The following FHAD1 variants were observed in gnomAD, a reference collection of about 807,000 sequenced individuals.
The protein encoded by FHAD1 is forkhead associated phosphopeptide binding domain 1, also known as forkhead-associated domain-containing protein 1.
A neutral mutation model predicts 191.3 loss-of-function variants in FHAD1; 146 were observed. That is an observed-to-expected ratio of 0.76 (90% CI 0.67 to 0.88). The LOEUF (loss-of-function observed/expected upper bound fraction) is 0.88, where lower values mean the gene tolerates loss of function less well. Ranked by LOEUF, FHAD1 falls within the 40% of genes least tolerant of loss-of-function variation. The pLI is 0.00. For missense variants in FHAD1, 1,635 were observed against 1,785.8 expected (o/e 0.92, Z 1.52); for synonymous variants, 616 against 672.3 (o/e 0.92, Z 1.29).
intron 4 of FHAD1, among the ~76,000 whole-genome samples, chr1:15,294,503 C>T (rs1049496852): frequency 6.6e-6 from 1 of 152,138 alleles, no homozygotes; most frequent in African/African-American, 2.4e-5. Context: ...AAGCGATTCT[C>T]CTGCCTCAGC....
chr1:15,251,983 C>G (rs1251194107), intron 2 of FHAD1, 106 bp downstream of exon 2: 2 of 929,100 alleles, frequency 2.2e-6, no homozygotes, highest in East Asian at 2.6e-5. Flanking sequence ...ACACCACAAC[C>G]TGGGCAAGCA....
intron 12 of FHAD1, 142 bp from the exon 13 acceptor site, chr1:15,328,135 A>G: frequency 1.9e-6 from 1 of 519,200 alleles, no homozygotes; most frequent in Non-Finnish European, 3.2e-6. Flanking sequence ...CATCACCAAG[A>G]CATATCAGGA....
chr1:15,332,357 G>A (rs377409469), intron 14 of FHAD1, among the ~76,000 whole-genome samples: 4 of 152,236 alleles, frequency 2.6e-5, no homozygotes, highest in East Asian at 3.9e-4. Flanking sequence ...CCACTCCCAA[G>A]ACCATTTTAG....
Position 15,329,738 on chromosome 1 carries a change from G to A in FHAD1, c.1906+197G>A, listed in dbSNP as rs376700387. 8 of 508,824 alleles carry A rather than the reference G, an allele frequency of 1.6e-5. No individual in the cohort carries two copies. The highest frequency in any genetic ancestry group is 6.6e-5 in the Admixed American group (2 of 30,142). The allele number at this position is 508,824 out of a possible 1,614,324, so 31.5% of individuals were successfully genotyped here. ...AAACACACACATACAAGTGAGACAC[G>A]ATAACTGAAGAAAAATGAAACAAAA... On this transcript the variant is annotated intron_variant, in intron 14 of 33. Transcript: ENST00000688493. The surrounding 1 kb of genome is among the most constrained non-coding windows in gnomAD (Gnocchi z 5.0).
chr1:15,272,525 C>T lies in FHAD1; in HGVS notation c.296C>T (p.Pro99Leu), dbSNP rs6679905. Residue 99 changes from proline (P) to leucine (L), a missense_variant, in exon 3 of 34, where the codon CCT becomes CTT. Physicochemically the swap from Pro to Leu is moderately conservative, Grantham distance 98. Coordinates refer to ENST00000688493, the MANE Select transcript of FHAD1 (RefSeq NM_001391957.1). ...LTYELVIENPPPVSFPWMRGP... is the reference protein window; with the variant it reads ...LTYELVIENPLPVSFPWMRGP... ...TATGAACTGGTCATTGAAAATCCAC[C>T]TCCGGTGAGTCCGGGCCACTGGGGG... 29,436 of 1,543,494 alleles carry T rather than the reference C, an allele frequency of 0.019. 2,171 individuals are homozygous for T. The African/African-American group carries it at 0.21, about 11-fold the overall frequency.
rs965275161 is a variant in FHAD1 at position 15,289,393 on chromosome 1, C to T, written c.301-6C>T. The T allele has an allele frequency of 5.2e-6, 8 of 1,551,132 alleles. No individual in the cohort carries two copies. In the Admixed American group the frequency reaches 1.6e-4, roughly 30 times the overall value. ...AACCTCCCCTGACCCTTGTCTGCCC[C>T]TGCAGGTCTCTTTCCCATGGATGAG... On this transcript the variant is annotated splice_polypyrimidine_tract_variant and splice_region_variant and intron_variant, in intron 3 of 33. Coordinates refer to ENST00000688493, the MANE Select transcript of FHAD1 (RefSeq NM_001391957.1). The surrounding 1 kb of genome is among the most constrained non-coding windows in gnomAD (Gnocchi z 4.2).
In FHAD1 at chr1:15,338,416, C is replaced by A. The variant is rs1393730529; in HGVS notation, c.1907-1065C>A. Among the ~76,000 whole-genome samples, 7 of 152,190 alleles carry A rather than the reference C, an allele frequency of 4.6e-5. No individual in the cohort carries two copies. The East Asian group carries it at 1.3e-3, about 29-fold the overall frequency. On this transcript the variant is annotated intron_variant, in intron 14 of 33. Transcript: ENST00000688493. ...TCCAGTCTCTGCTTCCATCACATCACCTTCCCCTCTGTCTGTGGTCAAGCC... is the reference window on the plus strand; with the variant it reads ...TCCAGTCTCTGCTTCCATCACATCAACTTCCCCTCTGTCTGTGGTCAAGCC...
chr1:15,319,153 A>T (rs1023913589), intron 10 of FHAD1, among the ~76,000 whole-genome samples: 3 of 152,222 alleles, frequency 2.0e-5, no homozygotes, highest in Non-Finnish European at 4.4e-5. Flanking sequence ...TTTTAAGAAC[A>T]AATCTAAAAG....
intron 14 of FHAD1, among the ~76,000 whole-genome samples, chr1:15,330,939 C>T (rs1022165095): frequency 6.6e-5 from 10 of 152,004 alleles, no homozygotes; most frequent in Non-Finnish European, 1.2e-4. Flanking sequence ...AGCCACTTGG[C>T]GGGCTGCCGT....
chr1:15,329,715 A>C lies in FHAD1; in HGVS notation c.1906+174A>C, dbSNP rs1574412392. The C allele has an allele frequency of 5.4e-6, 3 of 556,188 alleles. No homozygotes were observed. Among genetic ancestry groups the C allele is most frequent in the African/African-American group, 3.8e-5 (2 of 52,092 alleles). The allele number at this position is 556,188 out of a possible 1,614,324, so 34.5% of individuals were successfully genotyped here. On this transcript the variant is annotated intron_variant, in intron 14 of 33. Coordinates refer to ENST00000688493, the MANE Select transcript of FHAD1 (RefSeq NM_001391957.1). This position sits in a 1 kb window ranked among gnomAD's most constrained non-coding sequence, Gnocchi z 5.0. ...GCGTAATTTTCCATTAAAAAAAAAA[A>C]CACACACATACAAGTGAGACACGAT...
At chr1:15,326,371 C>T (rs1391062391) in intron 11 of FHAD1, 3 of 152,158 alleles carry the variant, frequency 2.0e-5, no homozygotes, top group African/African-American at 4.8e-5. Context: ...TCTGTAAGTC[C>T]GGACTTAATG....
At position 15,380,721 on chromosome 1, in the gene FHAD1, C is replaced by T. The variant is rs767391697; in HGVS notation, c.3726C>T (p.Asn1242=). 43 of 1,551,628 alleles carry T rather than the reference C, an allele frequency of 2.8e-5. No individual in the cohort carries two copies. Among genetic ancestry groups the T allele is most frequent in the South Asian group, 9.5e-5 (8 of 84,052 alleles). ...TTCAGCCTCAGAATGGCCTTTGCAA[C>T]GCAAGGTTCGGCTCAGCCATGGAGA... is the stretch of plus-strand genomic sequence containing the variant. The part of the protein sequence containing the change: ...EILAPQNGLC[N]ARFGSAMEKS... The change falls in exon 29 of 34, where the codon AAC becomes AAT. Residue 1242 remains asparagine, a synonymous_variant. Coordinates refer to ENST00000688493, the MANE Select transcript of FHAD1 (RefSeq NM_001391957.1).
intron 20 of FHAD1, among the ~76,000 whole-genome samples, chr1:15,354,344 C>T (rs879915393): frequency 5.9e-5 from 9 of 152,190 alleles, no homozygotes; most frequent in Non-Finnish European, 1.3e-4. Context: ...CCAGAAGGCA[C>T]ATCTGGATCG....
At chr1:15,286,727 A>T (rs892642496) in intron 3 of FHAD1, among the ~76,000 whole-genome samples, 1 of 152,104 alleles carries the variant, frequency 6.6e-6, no homozygotes, top group Non-Finnish European at 1.5e-5. Flanking sequence ...TGGCCGAGAG[A>T]GGGAGGGAGA....
At position 15,375,704 on chromosome 1, in the gene FHAD1, ACT is replaced by A; in HGVS notation, c.3685_3686del (p.Ser1229LysfsTer30). 6.5e-7 allele frequency: 1 copy of A among 1,546,226 alleles called. No homozygotes were observed. ...ILLDAKPDLP[T>X]LSRIEILAPQ... Reference sequence around the variant, plus strand: ...ACTGGATGCAAAACCGGATTTGCCAACTCTCTCAAGAATAGAGATCCTAGCGG... The same window carrying A: ...ACTGGATGCAAAACCGGATTTGCCAACTCTCAAGAATAGAGATCCTAGCGG... On this transcript the variant is annotated frameshift_variant, in exon 28 of 34. Transcript: ENST00000688493. LOFTEE classifies it high-confidence loss of function.
chr1:15,273,773 A>C (rs1261631423), intron 3 of FHAD1, among the ~76,000 whole-genome samples: 1 of 152,188 alleles, frequency 6.6e-6, no homozygotes, highest in African/African-American at 2.4e-5. Context: ...GTTTCTAAGG[A>C]ACAGTTCAGT....
At chr1:15,349,250 C>T (rs1277132229) in intron 19 of FHAD1, 101 bp downstream of exon 19, 11 of 904,734 alleles carry the variant, frequency 1.2e-5, no homozygotes, top group African/African-American at 3.4e-5. Context: ...GCCATGCCTC[C>T]CTTTGAAGTG....
chr1:15,381,535 G>T lies in FHAD1; in HGVS notation c.4022+84G>T. Reference sequence around the variant, plus strand: ...ACTCAGGCTAGCAGCAGACCTCTAGGCCTGGGACAGGAGGACAGAGACCCA... The same window carrying T: ...ACTCAGGCTAGCAGCAGACCTCTAGTCCTGGGACAGGAGGACAGAGACCCA... On this transcript the variant is annotated intron_variant, in intron 30 of 33. Coordinates refer to ENST00000688493, the MANE Select transcript of FHAD1 (RefSeq NM_001391957.1). This position sits in a 1 kb window ranked among gnomAD's most constrained non-coding sequence, Gnocchi z 4.6. The T allele has an allele frequency of 1.9e-6, 2 of 1,077,982 alleles. No homozygotes were observed. The highest frequency in any genetic ancestry group is 2.7e-6 in the Non-Finnish European group (2 of 731,630). The allele number at this position is 1,077,982 out of a possible 1,614,324, so 66.8% of individuals were successfully genotyped here.
At chr1:15,388,410 T>A in intron 32 of FHAD1, 1 of 1,119,526 alleles carries the variant, frequency 8.9e-7, no homozygotes, top group Non-Finnish European at 1.1e-6. Context: ...TCCAGCCCCG[T>A]CTGTCCATTA....
Sources: gnomAD v4.1 joint callset for allele counts (sites outside exome capture counted in the v4.1 genomes callset) on GRCh38, gnomAD v4.1.1 for gene constraint, Gnocchi (gnomAD v3.1) non-coding constraint, MANE v1.5 for transcripts, NCBI Gene and HGNC (gene_info 2026-07-23, HGNC 2026-07-21) for gene names.